INPP4B: variants seen among roughly 807,000 people sequenced by gnomAD.
INPP4B encodes the protein inositol polyphosphate 4-phosphatase type II.
A neutral mutation model predicts 122.5 loss-of-function variants in INPP4B; 55 were observed. The ratio of observed to expected loss-of-function variants is 0.45; its 90% CI spans 0.36 to 0.56. The LOEUF (loss-of-function observed/expected upper bound fraction) is 0.56. Ranked by LOEUF, INPP4B falls within the 20% of genes least tolerant of loss-of-function variation. The pLI, the probability that INPP4B is intolerant of heterozygous loss-of-function variation, is 0.00. For synonymous variants in INPP4B, 403 were observed against 388.7 expected (o/e 1.04, Z -0.43); for missense variants, 1,000 against 1,097.7 (o/e 0.91, Z 1.26).
chr4:142,252,279 C>T (rs1476094857), intron 11 of INPP4B, among the ~76,000 whole-genome samples: 1 of 151,190 alleles, frequency 6.6e-6, no homozygotes, highest in African/African-American at 2.4e-5. Flanking sequence ...AGCTCCGCCT[C>T]CCGGGTTCAC....
chr4:142,740,443 A>G (rs1392781353), intron 1 of INPP4B, among the ~76,000 whole-genome samples: 3 of 152,070 alleles, frequency 2.0e-5, no homozygotes, highest in Non-Finnish European at 2.9e-5. Context: ...ACATACTTTA[A>G]AAAGCACTTT....
At chr4:142,504,584 C>T (rs1446828236) in intron 2 of INPP4B, among the ~76,000 whole-genome samples, 1 of 152,002 alleles carries the variant, frequency 6.6e-6, no homozygotes, top group Non-Finnish European at 1.5e-5. Context: ...AAGACAAAAC[C>T]TTGTTAAGCA....
chr4:142,612,926 C>A (rs1197276530), intron 2 of INPP4B, among the ~76,000 whole-genome samples: 1 of 152,138 alleles, frequency 6.6e-6, no homozygotes, highest in African/African-American at 2.4e-5. Context: ...GTTATTATTT[C>A]CTGGACCTAT....
At chr4:142,564,774 C>T (rs1731269765) in intron 2 of INPP4B, among the ~76,000 whole-genome samples, 1 of 151,950 alleles carries the variant, frequency 6.6e-6, no homozygotes, top group Admixed American at 6.6e-5. Context: ...AAAAATATTA[C>T]TGTAGGGAAT....
intron 14 of INPP4B, among the ~76,000 whole-genome samples, chr4:142,196,001 C>T (rs1016866962): frequency 6.6e-6 from 1 of 152,136 alleles, no homozygotes; most frequent in South Asian, 2.1e-4. Context: ...CACCTCACTG[C>T]TCATGAGAAT....
At chr4:142,698,845 A>G (rs1761349614) in intron 2 of INPP4B, among the ~76,000 whole-genome samples, 1 of 152,154 alleles carries the variant, frequency 6.6e-6, no homozygotes, top group Admixed American at 6.6e-5. Flanking sequence ...AGAACTTATC[A>G]TTTGGAGGAG....
chr4:142,357,893 G>A (rs1160139279), intron 7 of INPP4B, among the ~76,000 whole-genome samples: 1 of 151,950 alleles, frequency 6.6e-6, no homozygotes, highest in Non-Finnish European at 1.5e-5. Flanking sequence ...AAATTAAATT[G>A]AGGACAGTTG....
At chr4:142,570,999 C>T (rs1431437749) in intron 2 of INPP4B, among the ~76,000 whole-genome samples, 1 of 151,026 alleles carries the variant, frequency 6.6e-6, no homozygotes, top group Admixed American at 6.6e-5. Context: ...AGTATCCTTT[C>T]ATGACCCTAC....
chr4:142,832,219 G>A lies in INPP4B; in HGVS notation c.-254+13990C>T, dbSNP rs888887467. On this transcript the variant is annotated intron_variant, in intron 1 of 25. Transcript: ENST00000262992. ...TGTGCCCGACGCACATAAAATGACCGTGTAAATGAAGCATATTGGGTTCCA... is the reference window on the plus strand; with the variant it reads ...TGTGCCCGACGCACATAAAATGACCATGTAAATGAAGCATATTGGGTTCCA... Among the ~76,000 whole-genome samples the A allele has an allele frequency of 6.6e-5, 10 of 152,222 alleles. 1 individual carries two copies. The highest frequency in any genetic ancestry group is 2.1e-4 in the South Asian group (1 of 4,828).
chr4:142,327,443 G>GA (rs542721361), intron 7 of INPP4B, among the ~76,000 whole-genome samples: 95 of 142,770 alleles, frequency 6.7e-4, no homozygotes, highest in Middle Eastern at 3.7e-3. Context: ...TACATGAATC[G>GA]AAAAAAAAAA....
chr4:142,337,883 G>A (rs192200713), intron 7 of INPP4B, among the ~76,000 whole-genome samples: 17 of 150,146 alleles, frequency 1.1e-4, no homozygotes, highest in Non-Finnish European at 2.1e-4. Flanking sequence ...TCTTTTTCAC[G>A]TCTCTTAGAC....
At chr4:142,156,702 T>C (rs906096055) in intron 17 of INPP4B, among the ~76,000 whole-genome samples, 10 of 152,144 alleles carry the variant, frequency 6.6e-5, no homozygotes, top group Non-Finnish European at 1.3e-4. Context: ...CAGATTCATA[T>C]GCCATCAATT....
intron 21 of INPP4B, among the ~76,000 whole-genome samples, chr4:142,118,180 C>G (rs1165172029): frequency 1.3e-4 from 20 of 151,968 alleles, no homozygotes; most frequent in African/African-American, 4.6e-4. Context: ...CACGCTCATG[C>G]ATAGGAAGAA....
chr4:142,700,061 A>G (rs1190706829), intron 2 of INPP4B, among the ~76,000 whole-genome samples: 1 of 152,158 alleles, frequency 6.6e-6, no homozygotes, highest in Non-Finnish European at 1.5e-5. Context: ...CTCCCTGTAT[A>G]GTAAAGCATC....
At chr4:142,499,793 T>C (rs559789271) in intron 2 of INPP4B, among the ~76,000 whole-genome samples, 47 of 152,206 alleles carry the variant, frequency 3.1e-4, no homozygotes, top group African/African-American at 1.1e-3. Flanking sequence ...ATATCAGACC[T>C]CCCAGATTGT....
chr4:142,281,596 A>G lies in INPP4B; in HGVS notation c.504-10822T>C, dbSNP rs138751906. Among the ~76,000 whole-genome samples the G allele has an allele frequency of 5.2e-3, 796 of 152,134 alleles. 10 individuals are homozygous for G. Among genetic ancestry groups the G allele is most frequent in the African/African-American group, 0.018 (758 of 41,542 alleles). Reference sequence around the variant, plus strand: ...TCTTTTTAATGGTAGGAAAGAATGCAAAGAAATCTCTAAAATAACAGCTAG... The same window carrying G: ...TCTTTTTAATGGTAGGAAAGAATGCGAAGAAATCTCTAAAATAACAGCTAG... On this transcript the variant is annotated intron_variant, in intron 9 of 25. Coordinates refer to ENST00000262992, the MANE Select transcript of INPP4B (RefSeq NM_001101669.3).
At chr4:142,261,867 G>C (rs1740196833) in intron 10 of INPP4B, among the ~76,000 whole-genome samples, 1 of 152,036 alleles carries the variant, frequency 6.6e-6, no homozygotes, top group Non-Finnish European at 1.5e-5. Flanking sequence ...TAAATTTTTT[G>C]ATGGGGTACA....
chr4:142,138,506 T>G (rs1419980038), intron 18 of INPP4B, among the ~76,000 whole-genome samples: 1 of 151,862 alleles, frequency 6.6e-6, no homozygotes, highest in African/African-American at 2.4e-5. Context: ...CTCCACGTTG[T>G]GCACATGTAC....
intron 21 of INPP4B, among the ~76,000 whole-genome samples, chr4:142,113,487 T>C (rs149535422): frequency 6.6e-6 from 1 of 152,098 alleles, no homozygotes; most frequent in Non-Finnish European, 1.5e-5. Context: ...GGGCAAATAG[T>C]GAGCCTCTTT....
Sources: allele counts gnomAD v4.1 joint callset (sites outside exome capture counted in the v4.1 genomes callset), GRCh38; gene constraint gnomAD v4.1.1; transcripts MANE v1.5; gene names NCBI Gene and HGNC (gene_info 2026-07-23, HGNC 2026-07-21).